Variants in NTNG1 observed in about 807,000 individuals in gnomAD.
The protein encoded by NTNG1 is netrin-G1.
Under a neutral mutation model 54.0 loss-of-function variants are expected in NTNG1, and 16 were observed. That is an observed-to-expected ratio of 0.30 (90% CI 0.20 to 0.45). The LOEUF is 0.45. Ranked by LOEUF, NTNG1 falls within the 20% of genes least tolerant of loss-of-function variation. The pLI is 1.00. For missense variants in NTNG1, 530 were observed against 678.7 expected (o/e 0.78, Z 2.43); for synonymous variants, 255 against 263.1 (o/e 0.97, Z 0.30).
At chr1:107,355,680 G>T (rs1006983963) in intron 3 of NTNG1, among the ~76,000 whole-genome samples, 1 of 152,086 alleles carries the variant, frequency 6.6e-6, no homozygotes, top group Non-Finnish European at 1.5e-5. Flanking sequence ...TATGAAATGT[G>T]CATATATAAA....
chr1:107,481,040 C>T lies in NTNG1; in HGVS notation c.*200C>T, dbSNP rs1678681106. ...GAGTCAAGACTGTTAATTTCTGACT[C>T]CAGAGGAGTTGGCAGCTGTTGATAT... is the stretch of plus-strand genomic sequence containing the variant. On this transcript the variant is annotated 3_prime_UTR_variant, in exon 8 of 8. Coordinates refer to ENST00000370068, the MANE Select transcript of NTNG1 (RefSeq NM_001113226.3). 4 of 523,056 alleles carry T rather than the reference C, an allele frequency of 7.6e-6. No individual in the cohort carries two copies. The highest frequency in any genetic ancestry group is 3.3e-5 in the Admixed American group (1 of 30,736). 32.4% of individuals were successfully genotyped at this position (523,056 alleles called of 1,614,324 possible). A position where few individuals can be genotyped will look rare whatever the true frequency, so the allele number is the denominator to read the frequency against.
At chr1:107,374,155 C>A (rs1007675333) in intron 3 of NTNG1, among the ~76,000 whole-genome samples, 1 of 152,072 alleles carries the variant, frequency 6.6e-6, no homozygotes, top group African/African-American at 2.4e-5. Flanking sequence ...GTCCTTTATT[C>A]TTCTGTTGCT....
intron 2 of NTNG1, among the ~76,000 whole-genome samples, chr1:107,179,143 C>A (rs930441785): frequency 1.7e-4 from 26 of 152,098 alleles, no homozygotes; most frequent in Admixed American, 1.6e-3. Flanking sequence ...TAACTAGGAA[C>A]AATAAGACAA....
intron 2 of NTNG1, among the ~76,000 whole-genome samples, chr1:107,299,963 G>C (rs1479726985): frequency 3.9e-5 from 6 of 152,204 alleles, no homozygotes; most frequent in Middle Eastern, 3.4e-3. Flanking sequence ...GTTGGCTGTT[G>C]GTTTATGTTA....
At chr1:107,420,410 C>T (rs376177749) in intron 5 of NTNG1, among the ~76,000 whole-genome samples, 1 of 152,048 alleles carries the variant, frequency 6.6e-6, no homozygotes, top group East Asian at 1.9e-4. Flanking sequence ...CTGCAAAGAA[C>T]ATCAGGCTCT....
At chr1:107,223,577 G>A (rs78236136) in intron 2 of NTNG1, among the ~76,000 whole-genome samples, 4,324 of 152,148 alleles carry the variant, frequency 0.028, 170 homozygotes, top group African/African-American at 0.09. Context: ...ACTATGTTTT[G>A]TTATAGCTAA....
intron 2 of NTNG1, among the ~76,000 whole-genome samples, chr1:107,226,618 G>A (rs1266902598): frequency 6.6e-6 from 1 of 152,108 alleles, no homozygotes; most frequent in East Asian, 1.9e-4. Context: ...GGCCACATCA[G>A]CCCAGGGGTG....
intron 2 of NTNG1, among the ~76,000 whole-genome samples, chr1:107,175,621 T>TC (rs1288594965): frequency 6.6e-6 from 1 of 152,034 alleles, no homozygotes; most frequent in African/African-American, 2.4e-5. Flanking sequence ...TTTTTTTTTT[T>TC]CTAAGAAAGG....
At chr1:107,147,312 G>GT (rs1654198452) in intron 1 of NTNG1, among the ~76,000 whole-genome samples, 1 of 152,052 alleles carries the variant, frequency 6.6e-6, no homozygotes, top group Admixed American at 6.6e-5. Flanking sequence ...AGAGCTTTTA[G>GT]TTTTAAAGCA....
chr1:107,476,752 C>T (rs755777790), intron 7 of NTNG1, among the ~76,000 whole-genome samples: 2 of 152,138 alleles, frequency 1.3e-5, no homozygotes, highest in Non-Finnish European at 2.9e-5. Flanking sequence ...CTCCTTTAAA[C>T]ACCACCCTCC....
At chr1:107,225,694 C>T (rs1003814443) in intron 2 of NTNG1, among the ~76,000 whole-genome samples, 1 of 152,104 alleles carries the variant, frequency 6.6e-6, no homozygotes, top group East Asian at 1.9e-4. Context: ...GCGAATGTGG[C>T]GTCAATATGT....
intron 2 of NTNG1, among the ~76,000 whole-genome samples, chr1:107,210,371 TGGTCC>T (rs1029707766): frequency 1.1e-4 from 16 of 152,176 alleles, no homozygotes; most frequent in African/African-American, 2.9e-4. Flanking sequence ...ATTAAGGCAG[TGGTCC>T]GGAGAACAGA....
chr1:107,331,117 T>C lies in NTNG1; in HGVS notation c.887+6195T>C, dbSNP rs1435816944. Among the ~76,000 whole-genome samples the C allele has an allele frequency of 2.6e-5, 4 of 152,078 alleles. No individual in the cohort carries two copies. The East Asian group carries it at 7.7e-4, about 29-fold the overall frequency. ...AAAACTGAGGACCAGAGGAGTGCCGTGACTTTTTCTTTAACGTCACACATA... is the reference window on the plus strand; with the variant it reads ...AAAACTGAGGACCAGAGGAGTGCCGCGACTTTTTCTTTAACGTCACACATA... On this transcript the variant is annotated intron_variant, in intron 3 of 7. Transcript: ENST00000370068.
intron 5 of NTNG1, chr1:107,418,467 C>T: frequency 1.3e-5 from 8 of 623,342 alleles, no homozygotes; most frequent in Non-Finnish European, 2.2e-5. Context: ...TGCATCACAG[C>T]CAAGTTAAAG....
chr1:107,380,565 A>G (rs759016972), intron 3 of NTNG1, among the ~76,000 whole-genome samples: 7 of 152,228 alleles, frequency 4.6e-5, no homozygotes, highest in Non-Finnish European at 1.0e-4. Context: ...ATTCTTATGA[A>G]GGCATGTTTA....
At chr1:107,183,465 A>G (rs1444026624) in intron 2 of NTNG1, among the ~76,000 whole-genome samples, 1 of 152,180 alleles carries the variant, frequency 6.6e-6, no homozygotes, top group Non-Finnish European at 1.5e-5. Flanking sequence ...GCATTCAAAT[A>G]TTATCAAGTA....
chr1:107,338,515 G>A (rs554126215), intron 3 of NTNG1, among the ~76,000 whole-genome samples: 17 of 151,974 alleles, frequency 1.1e-4, no homozygotes, highest in Admixed American at 5.3e-4. Context: ...AGTAGTAACT[G>A]GATCTACATG....
chr1:107,310,337 A>C (rs970010573), intron 2 of NTNG1, among the ~76,000 whole-genome samples: 1 of 152,152 alleles, frequency 6.6e-6, no homozygotes, highest in South Asian at 2.1e-4. Flanking sequence ...CAGCTTTCTC[A>C]ATCTTGTCTT....
chr1:107,379,928 C>T (rs1320222873), intron 3 of NTNG1, among the ~76,000 whole-genome samples: 7 of 152,208 alleles, frequency 4.6e-5, no homozygotes, highest in Non-Finnish European at 1.0e-4. Context: ...AGAACTATCT[C>T]CCTGGGGTGG....
Sources: allele counts gnomAD v4.1 joint callset (sites outside exome capture counted in the v4.1 genomes callset), GRCh38; gene constraint gnomAD v4.1.1; transcripts MANE v1.5; gene names NCBI Gene and HGNC (gene_info 2026-07-23, HGNC 2026-07-21).